CADM1: variants seen among roughly 807,000 people sequenced by gnomAD.
The protein encoded by CADM1 is TSLC-1.
In CADM1, 15 loss-of-function variants were observed where a neutral mutation model predicts 53.1. That is an observed-to-expected ratio of 0.28 (90% confidence interval 0.19 to 0.44). The LOEUF (loss-of-function observed/expected upper bound fraction) is 0.44, where lower values mean the gene tolerates loss of function less well. Ranked by LOEUF, CADM1 falls within the 20% of genes least tolerant of loss-of-function variation. CADM1 has a pLI of 1.00. For synonymous variants in CADM1, 281 were observed against 243.0 expected (o/e 1.16, Z -1.45); for missense variants, 434 against 611.3 (o/e 0.71, Z 3.06).
intron 1 of CADM1, among the ~76,000 whole-genome samples, chr11:115,284,138 G>C (rs1013044306): frequency 2.6e-5 from 3 of 115,262 alleles, no homozygotes; most frequent in East Asian, 3.4e-4. Flanking sequence ...GTGTGTGTGT[G>C]TGTGTGTGTG....
intron 1 of CADM1, among the ~76,000 whole-genome samples, chr11:115,494,952 G>A (rs531198851): frequency 6.6e-6 from 1 of 152,034 alleles, no homozygotes; most frequent in East Asian, 1.9e-4. Context: ...TTCAGGAAAG[G>A]GAAATAAACA....
In CADM1 at chr11:115,172,025, T is replaced by C. The variant is rs1460165386; in HGVS notation, c.*4449A>G. 3 of 152,270 alleles carry C rather than the reference T, an allele frequency of 2.0e-5. No individual in the cohort carries two copies. The highest frequency in any genetic ancestry group is 4.8e-5 in the African/African-American group (2 of 41,460). The allele number at this position is 152,270 out of a possible 1,614,324, so 9.4% of individuals were successfully genotyped here. The stretch of plus-strand genomic sequence containing the variant: ...CAAGTAGTGTGTGTCTGGCACCTTT[T>C]TGGCTGAGCGCTGACTGCATATCTC... On this transcript the variant is annotated 3_prime_UTR_variant, in exon 12 of 12. Coordinates refer to ENST00000331581, the MANE Select transcript of CADM1 (RefSeq NM_001301043.2).
At chr11:115,370,184 A>G (rs1309732229) in intron 1 of CADM1, among the ~76,000 whole-genome samples, 2 of 152,204 alleles carry the variant, frequency 1.3e-5, no homozygotes, top group Non-Finnish European at 2.9e-5. Context: ...ATTGATGGGT[A>G]AAGTGTTCCT....
At chr11:115,345,396 G>A (rs1247695308) in intron 1 of CADM1, among the ~76,000 whole-genome samples, 3 of 152,190 alleles carry the variant, frequency 2.0e-5, no homozygotes, top group Admixed American at 6.5e-5. Context: ...GCAAGGGACA[G>A]GACAAGGTTA....
intron 1 of CADM1, among the ~76,000 whole-genome samples, chr11:115,421,928 T>C (rs761593877): frequency 6.6e-6 from 1 of 152,178 alleles, no homozygotes; most frequent in Non-Finnish European, 1.5e-5. Context: ...AACTCAAAAT[T>C]AGGGCTTTGT....
intron 1 of CADM1, among the ~76,000 whole-genome samples, chr11:115,428,105 T>C (rs546842686): frequency 6.6e-6 from 1 of 151,858 alleles, no homozygotes; most frequent in Non-Finnish European, 1.5e-5. Flanking sequence ...AAAGGGCTAT[T>C]AGATGAACCT....
In CADM1 at chr11:115,202,457, C is replaced by A. The variant is rs150675616; in HGVS notation, c.1079-4019G>T. ...AATATTTTTTCCCCCAATTGATCTG[C>A]GGTGCTCCTGCTTTACAATGCGCAG... On this transcript the variant is annotated intron_variant, in intron 8 of 11. Transcript: ENST00000331581. 3.0e-3 allele frequency among the ~76,000 whole-genome samples: 459 copies of A among 152,188 alleles called. 6 individuals carry two copies. The highest frequency in any genetic ancestry group is 0.01 in the African/African-American group (436 of 41,526).
At chr11:115,342,636 T>A (rs889699134) in intron 1 of CADM1, among the ~76,000 whole-genome samples, 5 of 152,192 alleles carry the variant, frequency 3.3e-5, no homozygotes, top group Admixed American at 6.6e-5. Flanking sequence ...AATTTTTTCA[T>A]CTCTTGCATG....
At chr11:115,198,296 A>T in intron 9 of CADM1, 110 bp downstream of exon 9, 1 of 771,108 alleles carries the variant, frequency 1.3e-6, no homozygotes. Context: ...TTATGAGGTC[A>T]GTCTACTTGA....
intron 1 of CADM1, among the ~76,000 whole-genome samples, chr11:115,410,159 C>A (rs975222338): frequency 6.6e-6 from 1 of 152,240 alleles, no homozygotes; most frequent in South Asian, 2.1e-4. Context: ...TGAGCAGACT[C>A]AAATCAACTA....
chr11:115,443,723 C>A (rs983406984), intron 1 of CADM1, among the ~76,000 whole-genome samples: 1 of 152,088 alleles, frequency 6.6e-6, no homozygotes, highest in African/African-American at 2.4e-5. Context: ...TTTTTGCATA[C>A]CCAGTATGTG....
intron 1 of CADM1, among the ~76,000 whole-genome samples, chr11:115,250,055 C>A (rs1013135722): frequency 1.3e-5 from 2 of 152,128 alleles, no homozygotes; most frequent in African/African-American, 2.4e-5. Flanking sequence ...CAGGCGCCCG[C>A]CACCACCCTG....
At chr11:115,230,578 G>A (rs777787725) in intron 4 of CADM1, among the ~76,000 whole-genome samples, 13 of 152,166 alleles carry the variant, frequency 8.5e-5, no homozygotes, top group Non-Finnish European at 1.6e-4. Flanking sequence ...GTCAAATAGG[G>A]TATAGGCTGT....
chr11:115,243,143 CT>C (rs1459210866), intron 1 of CADM1, among the ~76,000 whole-genome samples: 1 of 152,218 alleles, frequency 6.6e-6, no homozygotes, highest in African/African-American at 2.4e-5. Flanking sequence ...TGTGTCACTA[CT>C]GAGTGAATCA....
intron 1 of CADM1, among the ~76,000 whole-genome samples, chr11:115,472,957 T>G (rs921306618): frequency 6.6e-6 from 1 of 152,202 alleles, no homozygotes; most frequent in Non-Finnish European, 1.5e-5. Context: ...AAAACCATAC[T>G]GTTCAGTTTC....
intron 1 of CADM1, among the ~76,000 whole-genome samples, chr11:115,370,128 G>A (rs1280817704): frequency 6.6e-6 from 1 of 152,076 alleles, no homozygotes; most frequent in Non-Finnish European, 1.5e-5. Flanking sequence ...AGAATTACGG[G>A]AACAAAAATT....
intron 1 of CADM1, among the ~76,000 whole-genome samples, chr11:115,323,815 G>A (rs1321978408): frequency 2.0e-5 from 3 of 151,460 alleles, no homozygotes; most frequent in Admixed American, 6.6e-5. Flanking sequence ...AAAACAAAAC[G>A]TAAATATTCT....
intron 9 of CADM1, among the ~76,000 whole-genome samples, chr11:115,192,018 T>C (rs1375117521): frequency 6.6e-6 from 1 of 152,190 alleles, no homozygotes; most frequent in Admixed American, 6.5e-5. Context: ...TCTCAGTGAG[T>C]ATTTGTTGAA....
Position 115,229,170 on chromosome 11 carries a change from C to A in CADM1, c.664G>T (p.Val222Leu). The stretch of plus-strand genomic sequence containing the variant: ...TTTCCAGTGACCGCAGGGTGCTCCA[C>A]CTGGCAGATCACTGGGACCCCATCG... ...EDDGVPVICQVEHPAVTGNLQ... is the reference protein window; with the variant it reads ...EDDGVPVICQLEHPAVTGNLQ... The change falls in exon 5 of 12, where the codon GTG becomes TTG. Residue 222 changes from valine to leucine, a missense_variant. This residue lies in a region of CADM1 where 311 missense variants were observed against 435.1 expected (regional missense o/e 0.71). Transcript: ENST00000331581. 6.2e-7 allele frequency: 1 copy of A among 1,614,122 alleles called. No homozygotes were observed. Among genetic ancestry groups the A allele is most frequent in the Non-Finnish European group, 8.5e-7 (1 of 1,180,010 alleles).
Sources: allele counts gnomAD v4.1 joint callset (sites outside exome capture counted in the v4.1 genomes callset), GRCh38; gene constraint gnomAD v4.1.1; regional missense constraint gnomAD v4.1.1; transcripts MANE v1.5; gene names NCBI Gene and HGNC (gene_info 2026-07-23, HGNC 2026-07-21).